Variants in XRN1 observed in about 807,000 individuals in gnomAD.
The protein encoded by XRN1 is 5'-3' exoribonuclease 1.
Under a neutral mutation model 222.3 loss-of-function variants are expected in XRN1, and 67 were observed. The observed-to-expected ratio is 0.30, with a 90% CI of 0.25 to 0.37. The LOEUF is 0.37. XRN1 is among the 10% of genes least tolerant of loss of function. The pLI is 1.00. For synonymous variants in XRN1, 643 were observed against 652.4 expected (o/e 0.99, Z 0.22); for missense variants, 1,707 against 2,000.2 (o/e 0.85, Z 2.80).
At chr3:142,426,115 T>G (rs970564467) in intron 3 of XRN1, among the ~76,000 whole-genome samples, 1 of 152,144 alleles carries the variant, frequency 6.6e-6, no homozygotes, top group Non-Finnish European at 1.5e-5. Flanking sequence ...GTGTGACCAA[T>G]GCACTTAAAG....
rs549106059 is a variant in XRN1, at chr3:142,373,287, T to C, written c.2979-1959A>G. Among the ~76,000 whole-genome samples the C allele has an allele frequency of 1.1e-4, 17 of 152,092 alleles. No homozygotes were observed. In the South Asian group the frequency reaches 3.3e-3, roughly 30 times the overall value. ...ATGATAAACAATAAAGTTGAATGAA[T>C]TTCCCAAAGTAGAACAGAAGTATAA... is the stretch of plus-strand genomic sequence containing the variant. On this transcript the variant is annotated intron_variant, in intron 25 of 40. Coordinates refer to ENST00000392981, the MANE Select transcript of XRN1 (RefSeq NM_001282857.2).
At chr3:142,399,946 A>G (rs2068067004) in intron 19 of XRN1, among the ~76,000 whole-genome samples, 1 of 151,996 alleles carries the variant, frequency 6.6e-6, no homozygotes, top group South Asian at 2.1e-4. Flanking sequence ...AATTTATATG[A>G]AATAATAAAA....
intron 27 of XRN1, among the ~76,000 whole-genome samples, chr3:142,369,735 G>A (rs184814242): frequency 6.6e-6 from 1 of 151,220 alleles, no homozygotes; most frequent in Non-Finnish European, 1.5e-5. Context: ...ACAAAAAGAT[G>A]AACTGTGTCT....
chr3:142,313,305 T>G (rs1433741834), intron 39 of XRN1: 1 of 1,025,200 alleles, frequency 9.8e-7, no homozygotes, highest in Non-Finnish European at 1.5e-6. Context: ...TTATTAAAAA[T>G]GTAATGAACC....
intron 20 of XRN1, among the ~76,000 whole-genome samples, chr3:142,392,583 T>C (rs1208983901): frequency 6.6e-6 from 1 of 151,840 alleles, no homozygotes; most frequent in Non-Finnish European, 1.5e-5. Context: ...TGTTTGGTTT[T>C]TTGTTCTTGC....
intron 33 of XRN1, among the ~76,000 whole-genome samples, chr3:142,345,858 C>T (rs142871816): frequency 0.01 from 1,548 of 152,206 alleles, 9 homozygotes; most frequent in Middle Eastern, 0.034. Flanking sequence ...CCTAGTAGGA[C>T]GACTATTGTC....
intron 20 of XRN1, among the ~76,000 whole-genome samples, chr3:142,385,480 T>C (rs2067463360): frequency 6.6e-6 from 1 of 152,172 alleles, no homozygotes. Context: ...TTTTCCAATC[T>C]AAAGTAATTC....
At chr3:142,398,195 T>A (rs756640633) in intron 19 of XRN1, among the ~76,000 whole-genome samples, 1 of 152,044 alleles carries the variant, frequency 6.6e-6, no homozygotes, top group Non-Finnish European at 1.5e-5. Flanking sequence ...CAGTGAGCTA[T>A]GATTGCCACT....
chr3:142,370,386 A>T, intron 27 of XRN1, 99 bp downstream of exon 27: 2 of 1,370,126 alleles, frequency 1.5e-6, no homozygotes, highest in Non-Finnish European at 2.0e-6. Flanking sequence ...ATCACTAAGT[A>T]TATGTTTTAT....
At chr3:142,436,252 A>T (rs566036591) in intron 1 of XRN1, among the ~76,000 whole-genome samples, 2 of 152,290 alleles carry the variant, frequency 1.3e-5, no homozygotes, top group Non-Finnish European at 2.9e-5. Context: ...CCCAGTATTA[A>T]CAGGGCTTTG....
Position 142,370,221 on chromosome 3 carries a change from A to G in XRN1, c.3204+264T>C, listed in dbSNP as rs189671671. 8.1e-3 allele frequency among the ~76,000 whole-genome samples: 1,229 copies of G among 152,306 alleles called. 9 individuals carry two copies. Among genetic ancestry groups the G allele is most frequent in the South Asian group, 0.017 (80 of 4,822 alleles). On this transcript the variant is annotated intron_variant, in intron 27 of 40. Coordinates refer to ENST00000392981, the MANE Select transcript of XRN1 (RefSeq NM_001282857.2). ...ATGGCTTTTGTATATTGAAAATATA[A>G]TTTTATAAGTTTATAATTAGTTATG...
intron 23 of XRN1, among the ~76,000 whole-genome samples, chr3:142,378,602 G>A (rs992583605): frequency 2.0e-5 from 3 of 152,094 alleles, no homozygotes; most frequent in Non-Finnish European, 4.4e-5. Flanking sequence ...TAACAATATA[G>A]GAAATGGATG....
chr3:142,404,913 C>T lies in XRN1; in HGVS notation c.1877G>A (p.Cys626Tyr). Residue 626 changes from cysteine to tyrosine, a missense_variant, in exon 16 of 41, where the codon TGT becomes TAT. By Grantham distance (194) the Cys-to-Tyr change is radical (BLOSUM62 -2). Coordinates refer to ENST00000392981, the MANE Select transcript of XRN1 (RefSeq NM_001282857.2). ...AATTACCAAGTAACATTACCTTGTACAACATCGTTCTATGGCAGGGAACTT... is the reference window on the plus strand; with the variant it reads ...AATTACCAAGTAACATTACCTTGTATAACATCGTTCTATGGCAGGGAACTT... Reference protein sequence around the residue: ...PEKFPAIERCCTRYKIISLDA... With the variant: ...PEKFPAIERCYTRYKIISLDA... The T allele has an allele frequency of 1.2e-6, 2 of 1,613,926 alleles. No homozygotes were observed. Among genetic ancestry groups the T allele is most frequent in the Non-Finnish European group, 1.7e-6 (2 of 1,179,866 alleles).
At chr3:142,431,886 A>ATATAT (rs2069571450) in intron 2 of XRN1, among the ~76,000 whole-genome samples, 1 of 30,546 alleles carries the variant, frequency 3.3e-5, no homozygotes, top group African/African-American at 2.1e-4. Flanking sequence ...TATATATATT[A>ATATAT]TATATAATAT....
intron 22 of XRN1, among the ~76,000 whole-genome samples, chr3:142,382,401 C>T (rs772552426): frequency 2.0e-5 from 3 of 152,138 alleles, no homozygotes; most frequent in Non-Finnish European, 4.4e-5. Flanking sequence ...ACTGTCACTA[C>T]GGAATCATGA....
At chr3:142,381,556 G>A (rs996676039) in intron 22 of XRN1, among the ~76,000 whole-genome samples, 1 of 108,414 alleles carries the variant, frequency 9.2e-6, no homozygotes, top group Non-Finnish European at 1.9e-5. Flanking sequence ...GACCTTTTAA[G>A]TTATTGCTTT....
intron 33 of XRN1, among the ~76,000 whole-genome samples, chr3:142,337,748 A>G (rs1021946933): frequency 2.0e-5 from 3 of 152,240 alleles, no homozygotes; most frequent in African/African-American, 7.2e-5. Context: ...GCAAGTGTTT[A>G]TAAGCAGAAA....
Position 142,311,468 on chromosome 3 carries a change from T to C in XRN1, c.*43A>G, listed in dbSNP as rs769968226. On this transcript the variant is annotated 3_prime_UTR_variant, in exon 41 of 41. Transcript: ENST00000392981. ...ACATAGATATGTATTTATAAAAAGG[T>C]AGATGGAAAGAGAAGAAATTAACTT... 2.0e-6 allele frequency: 3 copies of C among 1,477,632 alleles called. No homozygotes were observed. The highest frequency in any genetic ancestry group is 2.7e-6 in the Non-Finnish European group (3 of 1,096,374). The allele number at this position is 1,477,632 out of a possible 1,614,324, so 91.5% of individuals were successfully genotyped here.
chr3:142,379,923 T>A (rs981296386), intron 23 of XRN1, among the ~76,000 whole-genome samples, 159 bp downstream of exon 23: 1 of 152,060 alleles, frequency 6.6e-6, no homozygotes. Flanking sequence ...TGAGCACAGA[T>A]TCCACACTTA....
Sources: allele counts gnomAD v4.1 joint callset (sites outside exome capture counted in the v4.1 genomes callset), GRCh38; gene constraint gnomAD v4.1.1; transcripts MANE v1.5; gene names NCBI Gene and HGNC (gene_info 2026-07-23, HGNC 2026-07-21).